NAALADL2: variants seen among roughly 807,000 people sequenced by gnomAD.
The protein encoded by NAALADL2 is N-acetylated alpha-linked acidic dipeptidase like 2, also known as inactive N-acetylated-alpha-linked acidic dipeptidase-like protein 2.
NAALADL2 carries 76 observed loss-of-function variants against 87.2 expected under a neutral mutation model. The observed-to-expected ratio is 0.87, with a 90% CI of 0.72 to 1.05. NAALADL2 has a LOEUF of 1.05. Among genes scored for constraint, NAALADL2 ranks in the 50% least tolerant of loss-of-function variants. The pLI, the probability that NAALADL2 is intolerant of heterozygous loss-of-function variation, is 0.00. For synonymous variants in NAALADL2, 354 were observed against 331.0 expected (o/e 1.07, Z -0.75); for missense variants, 1,089 against 945.8 (o/e 1.15, Z -1.99).
At chr3:175,343,655 GTTTTTTTT>G (rs113806607) in intron 5 of NAALADL2, among the ~76,000 whole-genome samples, 1,927 of 64,734 alleles carry the variant, frequency 0.03, 113 homozygotes, top group East Asian at 0.12. Flanking sequence ...TCTTGATCAT[GTTTTTTTT>G]TTTTTTTTTT....
At chr3:175,321,784 T>C (rs1286363097) in intron 4 of NAALADL2, among the ~76,000 whole-genome samples, 236 of 118,962 alleles carry the variant, frequency 2.0e-3, no homozygotes, top group Middle Eastern at 3.7e-3. Context: ...TTACAAGGGA[T>C]GTGAAGGACC....
chr3:174,853,734 C>G (rs894180118), intron 3 of NAALADL2, among the ~76,000 whole-genome samples: 23 of 152,038 alleles, frequency 1.5e-4, no homozygotes, highest in African/African-American at 5.3e-4. Context: ...GAATAGACAT[C>G]TTGCAAAAGA....
At chr3:175,790,188 T>TATCA (rs1181034290) in intron 13 of NAALADL2, among the ~76,000 whole-genome samples, 7 of 152,006 alleles carry the variant, frequency 4.6e-5, no homozygotes, top group African/African-American at 9.7e-5. Flanking sequence ...TATGCATTAC[T>TATCA]ATCAATCAAT....
At chr3:174,457,110 C>G (rs955611427) in intron 1 of NAALADL2, among the ~76,000 whole-genome samples, 17 of 152,144 alleles carry the variant, frequency 1.1e-4, no homozygotes, top group Non-Finnish European at 2.1e-4. Flanking sequence ...AAAAGCTCAA[C>G]ATCTCTGATC....
At chr3:174,531,302 T>G (rs1033503828) in intron 1 of NAALADL2, among the ~76,000 whole-genome samples, 1 of 152,086 alleles carries the variant, frequency 6.6e-6, no homozygotes, top group African/African-American at 2.4e-5. Flanking sequence ...CTGTCTTAGC[T>G]TGGAGTCAAA....
At chr3:175,129,710 C>A (rs965075149) in intron 2 of NAALADL2, among the ~76,000 whole-genome samples, 2 of 152,096 alleles carry the variant, frequency 1.3e-5, no homozygotes, top group African/African-American at 4.8e-5. Context: ...TTTCCTTTAT[C>A]CATTCATCCG....
At chr3:175,754,489 C>A (rs1747006409) in intron 12 of NAALADL2, among the ~76,000 whole-genome samples, 1 of 152,116 alleles carries the variant, frequency 6.6e-6, no homozygotes, top group Admixed American at 6.5e-5. Flanking sequence ...CAAAACAATG[C>A]AAACACTACA....
At chr3:174,959,030 G>C (rs1741583954) in intron 1 of NAALADL2, among the ~76,000 whole-genome samples, 3 of 152,034 alleles carry the variant, frequency 2.0e-5, no homozygotes, top group Non-Finnish European at 4.4e-5. Flanking sequence ...TTTGATGCTG[G>C]AGAAGTCTAA....
intron 1 of NAALADL2, among the ~76,000 whole-genome samples, chr3:174,958,186 T>A (rs1741432978): frequency 6.6e-6 from 1 of 151,124 alleles, no homozygotes; most frequent in Non-Finnish European, 1.5e-5. Context: ...TATTTACAAG[T>A]CTATCTTTGC....
chr3:174,788,141 T>A (rs1163708859), intron 3 of NAALADL2, among the ~76,000 whole-genome samples: 1 of 152,172 alleles, frequency 6.6e-6, no homozygotes, highest in Non-Finnish European at 1.5e-5. Context: ...AGACCTAACA[T>A]GACAGCTGAT....
chr3:175,307,579 G>A (rs1648740851), intron 4 of NAALADL2, among the ~76,000 whole-genome samples: 2 of 152,098 alleles, frequency 1.3e-5, no homozygotes, highest in East Asian at 1.9e-4. Context: ...AACACTGTAA[G>A]CATTTTTTGT....
chr3:174,833,350 G>A (rs60154562), intron 3 of NAALADL2, among the ~76,000 whole-genome samples: 18,256 of 152,004 alleles, frequency 0.12, 1,208 homozygotes, highest in Middle Eastern at 0.15. Context: ...TATCAATACT[G>A]ACTCATAAAG....
chr3:174,949,931 A>G (rs189476718), intron 1 of NAALADL2, among the ~76,000 whole-genome samples: 43 of 152,318 alleles, frequency 2.8e-4, no homozygotes, highest in African/African-American at 9.9e-4. Flanking sequence ...CTTGAGCAGC[A>G]GTTCTCAAGA....
At chr3:175,617,015 C>T (rs1725437234) in intron 10 of NAALADL2, among the ~76,000 whole-genome samples, 1 of 152,088 alleles carries the variant, frequency 6.6e-6, no homozygotes, top group African/African-American at 2.4e-5. Flanking sequence ...GTCCTGGAGT[C>T]ATGAGGATGG....
intron 2 of NAALADL2, among the ~76,000 whole-genome samples, chr3:174,613,706 G>T (rs747384214): frequency 6.6e-6 from 1 of 152,156 alleles, no homozygotes; most frequent in African/African-American, 2.4e-5. Flanking sequence ...TCCAGGGCAG[G>T]TTCCCAAATG....
At chr3:174,845,090 T>G (rs1356027990) in intron 3 of NAALADL2, among the ~76,000 whole-genome samples, 1 of 152,154 alleles carries the variant, frequency 6.6e-6, no homozygotes, top group East Asian at 1.9e-4. Context: ...ATGGTATCAC[T>G]GAGATCCAGA....
chr3:175,388,253 C>G (rs898084763), intron 5 of NAALADL2, among the ~76,000 whole-genome samples: 5 of 152,164 alleles, frequency 3.3e-5, no homozygotes, highest in Admixed American at 2.0e-4. Flanking sequence ...GAGGCGCTAG[C>G]TAGCCACCTT....
intron 5 of NAALADL2, among the ~76,000 whole-genome samples, chr3:175,325,100 A>G (rs911568644): frequency 6.6e-6 from 1 of 152,208 alleles, no homozygotes; most frequent in Non-Finnish European, 1.5e-5. Context: ...TCAGTAATTA[A>G]ACTAACCCAA....
intron 9 of NAALADL2, among the ~76,000 whole-genome samples, chr3:175,505,471 C>G (rs975304844): frequency 5.3e-5 from 8 of 152,110 alleles, no homozygotes; most frequent in Middle Eastern, 3.4e-3. Context: ...TGGTTTGTTT[C>G]ATAGCAAAAG....
Sources: gnomAD v4.1 joint callset for allele counts (sites outside exome capture counted in the v4.1 genomes callset) on GRCh38, gnomAD v4.1.1 for gene constraint, MANE v1.5 for transcripts, NCBI Gene and HGNC (gene_info 2026-07-23, HGNC 2026-07-21) for gene names.